The following PACRG variants were observed in gnomAD, a reference collection of about 807,000 sequenced individuals.
PACRG encodes the protein parkin coregulated.
Under a neutral mutation model 29.7 loss-of-function variants are expected in PACRG, and 29 were observed. The observed-to-expected ratio is 0.98, with a 90% CI of 0.73 to 1.33. The LOEUF is 1.33. PACRG is among the 40% of genes most tolerant of loss of function. The pLI, the probability that PACRG is intolerant of heterozygous loss-of-function variation, is 0.00. For synonymous variants in PACRG, 116 were observed against 118.7 expected, an observed-to-expected ratio of 0.98 and a Z score of 0.15; for missense variants, 279 against 316.2, an observed-to-expected ratio of 0.88 and a Z score of 0.89.
intron 2 of PACRG, among the ~76,000 whole-genome samples, chr6:162,895,271 C>CAAAAAAA (rs35275122): frequency 2.1e-5 from 2 of 93,582 alleles, no homozygotes; most frequent in African/African-American, 3.9e-5. Flanking sequence ...CCCTCTCTCT[C>CAAAAAAA]AAAAAAAAAA....
chr6:163,295,021 G>C (rs79560029), intron 4 of PACRG, among the ~76,000 whole-genome samples: 2 of 152,144 alleles, frequency 1.3e-5, no homozygotes, highest in Admixed American at 1.3e-4. Context: ...TTCCAAGGTT[G>C]TTGTGGGGAT....
chr6:163,153,314 G>A (rs1363023502), intron 4 of PACRG, among the ~76,000 whole-genome samples: 1 of 152,154 alleles, frequency 6.6e-6, no homozygotes, highest in African/African-American at 2.4e-5. Context: ...TGAGGGAAGG[G>A]GTGGGCACTC....
At chr6:163,312,456 A>G (rs1785460781) in intron 4 of PACRG, among the ~76,000 whole-genome samples, 1 of 151,956 alleles carries the variant, frequency 6.6e-6, no homozygotes, top group Non-Finnish European at 1.5e-5. Context: ...CCTCCTCCCA[A>G]CACGAGCTTC....
At chr6:163,299,482 G>A (rs551331299) in intron 4 of PACRG, among the ~76,000 whole-genome samples, 5 of 152,258 alleles carry the variant, frequency 3.3e-5, no homozygotes, top group South Asian at 2.1e-4. Context: ...TGGCGTCCTC[G>A]AGGCCAGGAA....
At chr6:163,108,392 C>CTTTTTTT (rs528887997) in intron 4 of PACRG, among the ~76,000 whole-genome samples, 14 of 90,506 alleles carry the variant, frequency 1.5e-4, no homozygotes, top group East Asian at 3.5e-4. Context: ...TTCTCTTTCC[C>CTTTTTTT]TTTTTTTTTT....
At chr6:163,283,780 C>A (rs1784299778) in intron 4 of PACRG, among the ~76,000 whole-genome samples, 2 of 145,292 alleles carry the variant, frequency 1.4e-5, no homozygotes, top group Non-Finnish European at 3.0e-5. Context: ...CGCAGTCCGG[C>A]CTGGGCGACA....
chr6:162,938,877 A>T (rs1798420545), intron 2 of PACRG, among the ~76,000 whole-genome samples: 1 of 152,020 alleles, frequency 6.6e-6, no homozygotes, highest in Non-Finnish European at 1.5e-5. Context: ...AATTCATTTG[A>T]GTTCTTTGTA....
At chr6:163,307,505 A>G (rs1198384895) in intron 4 of PACRG, among the ~76,000 whole-genome samples, 2 of 152,234 alleles carry the variant, frequency 1.3e-5, no homozygotes, top group African/African-American at 4.8e-5. Context: ...TTGAAAAACC[A>G]TTGCAACTTT....
intron 2 of PACRG, among the ~76,000 whole-genome samples, chr6:162,878,385 GA>G (rs1240241207): frequency 1.3e-5 from 2 of 152,120 alleles, no homozygotes; most frequent in African/African-American, 4.8e-5. Flanking sequence ...TCTTGATAAT[GA>G]ATTCTTTTTT....
At chr6:162,819,562 C>G (rs1364709653) in intron 2 of PACRG, among the ~76,000 whole-genome samples, 1 of 152,128 alleles carries the variant, frequency 6.6e-6, no homozygotes, top group Non-Finnish European at 1.5e-5. Context: ...TTAGTAAAAA[C>G]AGGCATATCC....
At chr6:163,224,102 C>T (rs1297798790) in intron 4 of PACRG, among the ~76,000 whole-genome samples, 1 of 152,014 alleles carries the variant, frequency 6.6e-6, no homozygotes, top group Non-Finnish European at 1.5e-5. Flanking sequence ...GGCGTGGTGG[C>T]TCATGCCTGT....
intron 4 of PACRG, among the ~76,000 whole-genome samples, chr6:163,276,842 C>T (rs528869945): frequency 6.6e-6 from 1 of 152,114 alleles, no homozygotes; most frequent in Non-Finnish European, 1.5e-5. Context: ...ACTTCCCAGC[C>T]GTCAGAACTG....
Position 163,053,091 on chromosome 6 carries a change from G to A in PACRG, c.292-9059G>A, listed in dbSNP as rs544593405. On this transcript the variant is annotated intron_variant, in intron 2 of 4. Coordinates refer to ENST00000366888, the MANE Select transcript of PACRG (RefSeq NM_001080379.2). ...CTGGATTTCTTAAACTTTAAAGAAA[G>A]ATTCCTAAATTTGAAAACTACTATT... is the stretch of plus-strand genomic sequence containing the variant. Among the ~76,000 whole-genome samples the A allele has an allele frequency of 2.0e-5, 3 of 152,090 alleles. No homozygotes were observed. In the South Asian group the frequency reaches 6.2e-4, roughly 32 times the overall value.
At chr6:162,956,243 C>T (rs1185629734) in intron 2 of PACRG, among the ~76,000 whole-genome samples, 3 of 152,144 alleles carry the variant, frequency 2.0e-5, no homozygotes, top group African/African-American at 7.2e-5. Context: ...CAGAGACCAG[C>T]CACAGACTTG....
At chr6:163,169,244 A>G (rs1778954214) in intron 4 of PACRG, among the ~76,000 whole-genome samples, 1 of 152,220 alleles carries the variant, frequency 6.6e-6, no homozygotes, top group African/African-American at 2.4e-5. Flanking sequence ...TATTATGATA[A>G]AGTAAACTAC....
At chr6:163,115,075 T>G (rs1456629190) in intron 4 of PACRG, among the ~76,000 whole-genome samples, 1 of 152,230 alleles carries the variant, frequency 6.6e-6, no homozygotes, top group African/African-American at 2.4e-5. Context: ...ATGGATCATT[T>G]AGGATTGTAA....
intron 4 of PACRG, among the ~76,000 whole-genome samples, chr6:163,267,796 C>G (rs1351201087): frequency 6.6e-6 from 1 of 152,110 alleles, no homozygotes; most frequent in East Asian, 1.9e-4. Flanking sequence ...CCATACGGTC[C>G]CTAATAAATT....
chr6:162,849,443 T>G (rs2128422990), intron 2 of PACRG, among the ~76,000 whole-genome samples: 1 of 152,280 alleles, frequency 6.6e-6, no homozygotes, highest in African/African-American at 2.4e-5. Flanking sequence ...GCTGAGAAAG[T>G]CACGTGCAGT....
At chr6:163,248,164 C>T (rs923588245) in intron 4 of PACRG, among the ~76,000 whole-genome samples, 14 of 152,160 alleles carry the variant, frequency 9.2e-5, no homozygotes, top group East Asian at 3.9e-4. Flanking sequence ...CAGTGCCAGG[C>T]GGAGAGGTTG....
Sources: gnomAD v4.1 joint callset for allele counts (sites outside exome capture counted in the v4.1 genomes callset) on GRCh38, gnomAD v4.1.1 for gene constraint, MANE v1.5 for transcripts, NCBI Gene and HGNC (gene_info 2026-07-23, HGNC 2026-07-21) for gene names.